Variants in PTPRD observed in about 807,000 individuals in gnomAD.
The protein encoded by PTPRD is protein tyrosine phosphatase receptor type D.
In PTPRD, 34 loss-of-function variants were observed where a neutral mutation model predicts 214.5. That is an observed-to-expected ratio of 0.16 (90% CI 0.12 to 0.21). The LOEUF is 0.21. Among genes scored for constraint, PTPRD ranks in the 10% least tolerant of loss-of-function variants. The pLI is 1.00. For missense variants in PTPRD, 2,545 were observed against 2,398.7 expected, an observed-to-expected ratio of 1.06 and a Z score of -1.27; for synonymous variants, 1,128 against 845.7, an observed-to-expected ratio of 1.33 and a Z score of -5.79.
chr9:8,798,075 T>C (rs2096485330), intron 11 of PTPRD, among the ~76,000 whole-genome samples: 3 of 152,140 alleles, frequency 2.0e-5, no homozygotes, highest in Admixed American at 2.0e-4. Flanking sequence ...AATTCTACCC[T>C]ATATGCTTTA....
chr9:9,386,132 C>T (rs938462865), intron 9 of PTPRD, among the ~76,000 whole-genome samples: 2 of 152,086 alleles, frequency 1.3e-5, no homozygotes, highest in African/African-American at 2.4e-5. Flanking sequence ...TACCTGAGTC[C>T]TAGTCTGTAG....
intron 9 of PTPRD, among the ~76,000 whole-genome samples, chr9:9,199,244 C>T (rs1009602828): frequency 2.0e-5 from 3 of 152,206 alleles, no homozygotes; most frequent in Non-Finnish European, 2.9e-5. Flanking sequence ...CTATACTATT[C>T]GTGTATTATT....
intron 11 of PTPRD, among the ~76,000 whole-genome samples, chr9:8,844,436 T>C (rs1402777864): frequency 6.6e-6 from 1 of 152,122 alleles, no homozygotes; most frequent in Admixed American, 6.5e-5. Context: ...ATTTTTTATT[T>C]AATATGAACA....
At chr9:10,368,684 C>A (rs2097558045) in intron 2 of PTPRD, among the ~76,000 whole-genome samples, 1 of 151,922 alleles carries the variant, frequency 6.6e-6, no homozygotes, top group Non-Finnish European at 1.5e-5. Flanking sequence ...TGGGAAGGAA[C>A]TAAAAAGACT....
intron 9 of PTPRD, among the ~76,000 whole-genome samples, chr9:9,268,771 T>G (rs1941380380): frequency 6.7e-6 from 1 of 149,276 alleles, no homozygotes; most frequent in African/African-American, 2.5e-5. Flanking sequence ...GATAGTGTCT[T>G]CAATTATGGT....
intron 2 of PTPRD, among the ~76,000 whole-genome samples, chr9:10,461,103 C>T (rs2098955102): frequency 6.6e-6 from 1 of 151,778 alleles, no homozygotes; most frequent in South Asian, 2.1e-4. Context: ...GACATTTCTC[C>T]AAAGATGACA....
At chr9:9,589,005 T>C (rs1484954665) in intron 7 of PTPRD, among the ~76,000 whole-genome samples, 1 of 152,088 alleles carries the variant, frequency 6.6e-6, no homozygotes, top group East Asian at 1.9e-4. Flanking sequence ...TTGTTCAATT[T>C]TAATTTTTAT....
intron 11 of PTPRD, among the ~76,000 whole-genome samples, chr9:8,796,686 T>C (rs1487206866): frequency 6.6e-6 from 1 of 152,172 alleles, no homozygotes; most frequent in Non-Finnish European, 1.5e-5. Flanking sequence ...ACAATTTCTA[T>C]TTTATTCACA....
At chr9:10,318,311 G>A (rs551494009) in intron 3 of PTPRD, among the ~76,000 whole-genome samples, 3 of 152,082 alleles carry the variant, frequency 2.0e-5, no homozygotes, top group African/African-American at 7.2e-5. Flanking sequence ...ATTACCAGGG[G>A]TCTAGGCTAG....
chr9:9,268,510 G>C (rs554093612), intron 9 of PTPRD, among the ~76,000 whole-genome samples: 1 of 150,990 alleles, frequency 6.6e-6, no homozygotes, highest in South Asian at 2.1e-4. Flanking sequence ...AATAGAGAAA[G>C]GAATCTTAAA....
At chr9:10,362,270 G>A (rs2097407020) in intron 2 of PTPRD, among the ~76,000 whole-genome samples, 1 of 151,816 alleles carries the variant, frequency 6.6e-6, no homozygotes, top group Admixed American at 6.6e-5. Flanking sequence ...TATATGTCAG[G>A]CATTGCCCTG....
At chr9:8,645,417 T>C (rs753401503) in intron 12 of PTPRD, among the ~76,000 whole-genome samples, 1 of 152,220 alleles carries the variant, frequency 6.6e-6, no homozygotes, top group Non-Finnish European at 1.5e-5. Flanking sequence ...AATACCTCAA[T>C]ACAGTTCTTG....
chr9:10,259,707 T>C (rs2498623), intron 3 of PTPRD, among the ~76,000 whole-genome samples: 24,151 of 152,200 alleles, frequency 0.16, 2,034 homozygotes, highest in African/African-American at 0.2. Context: ...CCTCAACAAA[T>C]ACTCCTGTTT....
intron 2 of PTPRD, among the ~76,000 whole-genome samples, chr9:10,557,889 T>C (rs2062976881): frequency 6.6e-6 from 1 of 152,134 alleles, no homozygotes; most frequent in South Asian, 2.1e-4. Flanking sequence ...ATAGCAAAAT[T>C]ATTATCATCA....
At chr9:9,781,795 A>AT (rs142718064) in intron 5 of PTPRD, among the ~76,000 whole-genome samples, 50,842 of 147,056 alleles carry the variant, frequency 0.35, 9,364 homozygotes, top group East Asian at 0.71. Context: ...GTCTGGACTC[A>AT]TATTTTTTTT....
At chr9:10,190,400 A>C (rs1164112394) in intron 3 of PTPRD, among the ~76,000 whole-genome samples, 4 of 47,724 alleles carry the variant, frequency 8.4e-5, no homozygotes, top group Non-Finnish European at 1.5e-4. Flanking sequence ...AAAAAAAAAA[A>C]AAAAAAAAAA....
chr9:8,843,549 G>A (rs537899969), intron 11 of PTPRD, among the ~76,000 whole-genome samples: 3 of 152,050 alleles, frequency 2.0e-5, no homozygotes, highest in Non-Finnish European at 2.9e-5. Context: ...AGCTACATGT[G>A]GTTATTAACC....
intron 7 of PTPRD, among the ~76,000 whole-genome samples, chr9:9,658,490 T>C (rs889735831): frequency 1.3e-5 from 2 of 152,158 alleles, no homozygotes; most frequent in Non-Finnish European, 2.9e-5. Flanking sequence ...GTACAATGAA[T>C]GACATGTAGT....
intron 4 of PTPRD, among the ~76,000 whole-genome samples, chr9:9,975,141 C>T (rs2095306602): frequency 6.6e-6 from 1 of 152,080 alleles, no homozygotes; most frequent in African/African-American, 2.4e-5. Context: ...ACAGAGGGCA[C>T]ATTATTATGT....
Sources: gnomAD v4.1 joint callset for allele counts (sites outside exome capture counted in the v4.1 genomes callset) on GRCh38, gnomAD v4.1.1 for gene constraint, MANE v1.5 for transcripts, NCBI Gene and HGNC (gene_info 2026-07-23, HGNC 2026-07-21) for gene names.